The following GPATCH3 variants were observed in gnomAD, a reference collection of about 807,000 sequenced individuals.
GPATCH3 encodes G patch domain-containing protein 3.
In GPATCH3, 45 loss-of-function variants were observed where a neutral mutation model predicts 53.2. The ratio of observed to expected loss-of-function variants is 0.85; its 90% CI spans 0.67 to 1.08. GPATCH3 has a LOEUF of 1.08. Among genes scored for constraint, GPATCH3 ranks in the 50% least tolerant of loss-of-function variants. The probability of loss-of-function intolerance (pLI) is 0.00; values close to 1 mark genes in which losing one functional copy is unlikely to be tolerated. For missense variants in GPATCH3, 680 were observed against 687.2 expected (o/e 0.99, Z 0.12); for synonymous variants, 280 against 270.6 (o/e 1.03, Z -0.34).
In GPATCH3 at chr1:26,899,975, A is replaced by G; in HGVS notation, c.451+17T>C. On this transcript the variant is annotated intron_variant, in intron 1 of 6. Coordinates refer to ENST00000361720, the MANE Select transcript of GPATCH3 (RefSeq NM_022078.3). ...TCCAGGCCCGTAGGCCCAGTCTATT[A>G]ACTTTCTCACTCTTACCTGATGCCT... 1.9e-6 allele frequency: 3 copies of G among 1,612,172 alleles called. No individual in the cohort carries two copies. The highest frequency in any genetic ancestry group is 2.5e-6 in the Non-Finnish European group (3 of 1,178,638).
intron 2 of GPATCH3, among the ~76,000 whole-genome samples, chr1:26,894,961 C>T (rs946949704): frequency 6.6e-6 from 1 of 152,072 alleles, no homozygotes; most frequent in Non-Finnish European, 1.5e-5. Flanking sequence ...ATGACAAAAC[C>T]TAGGTTCAGG....
chr1:26,894,400 C>G lies in GPATCH3; in HGVS notation c.887G>C (p.Arg296Pro). The G allele has an allele frequency of 6.2e-7, 1 of 1,613,934 alleles. No homozygotes were observed. Among genetic ancestry groups the G allele is most frequent in the Non-Finnish European group, 8.5e-7 (1 of 1,179,936 alleles). The change falls in exon 3 of 7, where the codon CGG becomes CCG. Residue 296 changes from arginine (R) to proline (P), a missense_variant. Arg to Pro is a moderately radical substitution (Grantham distance 103). Coordinates refer to ENST00000361720, the MANE Select transcript of GPATCH3 (RefSeq NM_022078.3). ...TTCATGCCGTTCCCATTCCTCACCC[C>G]GGTCATCGTCCTAAAAGGCAGGGAG... is the stretch of plus-strand genomic sequence containing the variant. ...EESHSDEDDD[R>P]GEEWERHEAL...
At chr1:26,892,605 G>A in intron 5 of GPATCH3, 65 bp downstream of exon 5, 3 of 1,607,342 alleles carry the variant, frequency 1.9e-6, no homozygotes, top group South Asian at 1.1e-5. Flanking sequence ...ATGGGGATGG[G>A]AGAAGGAATT....
rs748274936 is a variant in GPATCH3 at position 26,900,435 on chromosome 1, A to G, written c.8T>C (p.Val3Ala). The G allele has an allele frequency of 2.5e-6, 4 of 1,608,812 alleles. No individual in the cohort carries two copies. In the East Asian group the frequency reaches 6.7e-5, roughly 27 times the overall value. The change falls in exon 1 of 7, where the codon GTG becomes GCG. Residue 3 changes from valine to alanine, a missense_variant. Val to Ala is a moderately conservative substitution (Grantham distance 64, BLOSUM62 0). Transcript: ENST00000361720. The part of the protein sequence containing the change: MA[V>A]PGEAEEEATV... ...CGCCTCCTCCTCCGCCTCGCCGGGC[A>G]CCGCCATCTTGGATTGTCACATGAT...
In GPATCH3 at chr1:26,897,293, G is replaced by T; in HGVS notation, c.876+8C>A. 1 of 1,613,296 alleles carries T rather than the reference G, an allele frequency of 6.2e-7. No homozygotes were observed. The highest frequency in any genetic ancestry group is 1.1e-5 in the South Asian group (1 of 91,010). On this transcript the variant is annotated splice_region_variant and intron_variant, in intron 2 of 6. Transcript: ENST00000361720. ...GCCAGCAAGGACAGGGTAGCACACT[G>T]TACTCACCTCATCTGAGTGAGACTC...
At position 26,890,777 on chromosome 1, in the gene GPATCH3, G is replaced by A. The variant is rs974766268; in HGVS notation, c.*233C>T. 1.3e-6 allele frequency: 1 copy of A among 744,626 alleles called. No homozygotes were observed. The highest frequency in any genetic ancestry group is 2.5e-6 in the Non-Finnish European group (1 of 396,984). 46.1% of individuals were successfully genotyped at this position (744,626 alleles called of 1,614,324 possible). A position where few individuals can be genotyped will look rare whatever the true frequency, so the allele number is the denominator to read the frequency against. Reference sequence around the variant, plus strand: ...AGGGCAAGCCCAGAGATTAGGGTTAGAGACCAAAGACAAGCGGTCGTTACC... The same window carrying A: ...AGGGCAAGCCCAGAGATTAGGGTTAAAGACCAAAGACAAGCGGTCGTTACC... On this transcript the variant is annotated 3_prime_UTR_variant, in exon 7 of 7. Coordinates refer to ENST00000361720, the MANE Select transcript of GPATCH3 (RefSeq NM_022078.3).
chr1:26,897,890 A>G (rs1029220069), intron 1 of GPATCH3, among the ~76,000 whole-genome samples, 165 bp from the exon 2 acceptor site: 14 of 152,150 alleles, frequency 9.2e-5, no homozygotes, highest in Admixed American at 7.2e-4. Context: ...TGATCCCAGC[A>G]CTTTGGGAGG....
At chr1:26,897,746 G>C in intron 1 of GPATCH3, 21 bp from the exon 2 acceptor site, 4 of 1,569,096 alleles carry the variant, frequency 2.5e-6, no homozygotes, top group Non-Finnish European at 3.4e-6. Flanking sequence ...AGGGAGAATA[G>C]ATCTTGAAAC....
At chr1:26,894,484 G>A (rs2081942489) in intron 2 of GPATCH3, 74 bp from the exon 3 acceptor site, 3 of 1,417,454 alleles carry the variant, frequency 2.1e-6, no homozygotes, top group Non-Finnish European at 2.9e-6. Context: ...TCAGGGCACA[G>A]GAGGCATGTG....
chr1:26,891,672 G>C (rs2081926956), intron 6 of GPATCH3, among the ~76,000 whole-genome samples: 1 of 151,894 alleles, frequency 6.6e-6, no homozygotes, highest in African/African-American at 2.4e-5. Context: ...TCAGCCTCCA[G>C]AGTAGCTGGG....
chr1:26,896,449 T>C (rs1233074054), intron 2 of GPATCH3, among the ~76,000 whole-genome samples: 1 of 151,442 alleles, frequency 6.6e-6, no homozygotes, highest in Non-Finnish European at 1.5e-5. Flanking sequence ...CCCAGCACTT[T>C]GGCAGGCCGA....
rs200926742 is a variant in GPATCH3, at chr1:26,900,387, C to G, written c.56G>C (p.Gly19Ala). 1.9e-6 allele frequency: 3 copies of G among 1,613,776 alleles called. No individual in the cohort carries two copies. Among genetic ancestry groups the G allele is most frequent in the Non-Finnish European group, 2.5e-6 (3 of 1,180,020 alleles). ...GGCCGAGCGCAACACGGAGGGGATA[C>G]CGCTCACTACCAGGTAAACTGTCGC... ...EEATVYLVVS[G>A]IPSVLRSAHL... The change falls in exon 1 of 7, where the codon GGT (glycine) becomes GCT (alanine). Residue 19 changes from glycine to alanine, a missense_variant. By Grantham distance (60) the Gly-to-Ala change is moderately conservative. Transcript: ENST00000361720.
intron 4 of GPATCH3, 99 bp from the exon 5 acceptor site, chr1:26,892,890 A>G: frequency 7.0e-7 from 1 of 1,435,878 alleles, no homozygotes; most frequent in Non-Finnish European, 9.6e-7. Context: ...TATTCATTTT[A>G]ATAGTGTTCT....
intron 4 of GPATCH3, 107 bp from the exon 5 acceptor site, chr1:26,892,898 T>C (rs1300316164): frequency 7.4e-7 from 1 of 1,343,784 alleles, no homozygotes; most frequent in Non-Finnish European, 1.0e-6. Flanking sequence ...TTAATAGTGT[T>C]CTGTATCTCT....
Position 26,891,079 on chromosome 1 carries a change from C to G in GPATCH3, c.1509G>C (p.Lys503Asn), listed in dbSNP as rs2081922876. The G allele has an allele frequency of 4.3e-6, 7 of 1,614,148 alleles. No homozygotes were observed. Among genetic ancestry groups the G allele is most frequent in the Non-Finnish European group, 5.9e-6 (7 of 1,180,030 alleles). ...LLRRQPPTSM[K>N]FRTDMAFVRG... ...TCACAAAGGCCATGTCTGTCCGAAACTTCATGCTGGTGGGTGGCTGGCGGC... is the reference window on the plus strand; with the variant it reads ...TCACAAAGGCCATGTCTGTCCGAAAGTTCATGCTGGTGGGTGGCTGGCGGC... The change falls in exon 7 of 7, where the codon AAG becomes AAC. Residue 503 changes from lysine (K) to asparagine (N), a missense_variant. Coordinates refer to ENST00000361720, the MANE Select transcript of GPATCH3 (RefSeq NM_022078.3).
Position 26,891,112 on chromosome 1 carries a change from T to G in GPATCH3, c.1476A>C (p.Ser492=). The G allele has an allele frequency of 1.2e-6, 2 of 1,614,164 alleles. No individual in the cohort carries two copies. Among genetic ancestry groups the G allele is most frequent in the Non-Finnish European group, 8.5e-7 (1 of 1,180,046 alleles). The part of the protein sequence containing the change: ...DEPLPQDQTE[S]LLRRQPPTSM... ...TGGTGGGTGGCTGGCGGCGGAGCAGTGACTCCGTCTGGTCTTGGGGTAGAG... is the reference window on the plus strand; with the variant it reads ...TGGTGGGTGGCTGGCGGCGGAGCAGGGACTCCGTCTGGTCTTGGGGTAGAG... The change falls in exon 7 of 7, where the codon TCA becomes TCC. Residue 492 remains serine (S), a synonymous_variant. Coordinates refer to ENST00000361720, the MANE Select transcript of GPATCH3 (RefSeq NM_022078.3).
At position 26,891,147 on chromosome 1, in the gene GPATCH3, A is replaced by G. The variant is rs375262621; in HGVS notation, c.1441T>C (p.Tyr481His). 6.2e-6 allele frequency: 10 copies of G among 1,613,922 alleles called. No homozygotes were observed. In the African/African-American group the frequency reaches 1.3e-4, roughly 22 times the overall value. Residue 481 changes from tyrosine to histidine, a missense_variant, in exon 7 of 7, where the codon TAT becomes CAT. Transcript: ENST00000361720. ...RNGLGLISTI[Y>H]DEPLPQDQTE... ...TGGTCTTGGGGTAGAGGCTCATCATAGATGGTGGAGATGAGCCCCAAGCCA... is the reference window on the plus strand; with the variant it reads ...TGGTCTTGGGGTAGAGGCTCATCATGGATGGTGGAGATGAGCCCCAAGCCA...
chr1:26,891,157 G>A lies in GPATCH3; in HGVS notation c.1431C>T (p.Ile477=), dbSNP rs1431192690. 1 of 1,614,110 alleles carries A rather than the reference G, an allele frequency of 6.2e-7. No individual in the cohort carries two copies. The highest frequency in any genetic ancestry group is 1.1e-5 in the South Asian group (1 of 91,056). ...GTAGAGGCTCATCATAGATGGTGGAGATGAGCCCCAAGCCATTTCTACGGG... is the reference window on the plus strand; with the variant it reads ...GTAGAGGCTCATCATAGATGGTGGAAATGAGCCCCAAGCCATTTCTACGGG... The part of the protein sequence containing the change: ...KRPRRNGLGL[I]STIYDEPLPQ... Residue 477 remains isoleucine, a synonymous_variant, in exon 7 of 7, where the codon ATC becomes ATT. Coordinates refer to ENST00000361720, the MANE Select transcript of GPATCH3 (RefSeq NM_022078.3).
chr1:26,892,402 C>G lies in GPATCH3; in HGVS notation c.1361+9G>C. ...TGGGCCCCCAGGGAAGTCCCTCAGT[C>G]ACACTTACCCCAATCCACGCTTGCA... On this transcript the variant is annotated intron_variant, in intron 6 of 6. Transcript: ENST00000361720. 1 of 1,606,658 alleles carries G rather than the reference C, an allele frequency of 6.2e-7. No individual in the cohort carries two copies. Among genetic ancestry groups the G allele is most frequent in the Non-Finnish European group, 8.5e-7 (1 of 1,174,832 alleles).
Sources: allele counts gnomAD v4.1 joint callset (sites outside exome capture counted in the v4.1 genomes callset), GRCh38; gene constraint gnomAD v4.1.1; transcripts MANE v1.5; gene names NCBI Gene and HGNC (gene_info 2026-07-23, HGNC 2026-07-21).